Variants in AKAP9 observed in about 807,000 individuals in gnomAD.
The protein encoded by AKAP9 is A-kinase anchoring protein 9, also known as A-kinase anchor protein 9.
Under a neutral mutation model 488.5 loss-of-function variants are expected in AKAP9, and 311 were observed. That is an observed-to-expected ratio of 0.64 (90% CI 0.58 to 0.70). The LOEUF (loss-of-function observed/expected upper bound fraction) is 0.70. Among genes scored for constraint, AKAP9 ranks in the 30% least tolerant of loss-of-function variants. AKAP9 has a pLI of 0.00. For missense variants in AKAP9, 4,215 were observed against 4,374.5 expected, an observed-to-expected ratio of 0.96 and a Z score of 1.03; for synonymous variants, 1,462 against 1,483.5, an observed-to-expected ratio of 0.99 and a Z score of 0.33.
chr7:91,965,680 C>G (rs944005045), intron 1 of AKAP9, among the ~76,000 whole-genome samples: 3 of 152,200 alleles, frequency 2.0e-5, no homozygotes, highest in Non-Finnish European at 4.4e-5. Context: ...TCTCCACATC[C>G]TCCCCAGCAT....
intron 2 of AKAP9, among the ~76,000 whole-genome samples, chr7:91,974,319 G>C (rs76146797): frequency 6.2e-4 from 84 of 135,374 alleles, no homozygotes; most frequent in Non-Finnish European, 1.1e-3. Context: ...ATGAGAGATA[G>C]ATGTCCAACT....
intron 22 of AKAP9, chr7:92,058,330 T>C: frequency 1.7e-6 from 1 of 576,986 alleles, no homozygotes; most frequent in South Asian, 1.4e-5. Flanking sequence ...TTGTTAATAC[T>C]TCTATTTTCC....
At position 92,095,113 on chromosome 7, in the gene AKAP9, T is replaced by C. The variant is rs139192857; in HGVS notation, c.9669T>C (p.Ala3223=). The C allele has an allele frequency of 1.7e-5, 28 of 1,614,182 alleles. 1 individual carries two copies. The African/African-American group carries it at 3.5e-4, about 20-fold the overall frequency. ...EQKKSRELQW[A]LEKEKAKLGR... ...AAAAATCAAGAGAGCTCCAGTGGGC[T>C]TTGGAGAAAGAGAAAGCCAAGTTGG... The change falls in exon 40 of 50, where the codon GCT becomes GCC. Residue 3223 remains alanine (A), a synonymous_variant. Coordinates refer to ENST00000356239, the MANE Select transcript of AKAP9 (RefSeq NM_005751.5).
intron 1 of AKAP9, among the ~76,000 whole-genome samples, chr7:91,951,019 A>G (rs911310142): frequency 6.6e-5 from 10 of 152,104 alleles, no homozygotes; most frequent in African/African-American, 1.9e-4. Flanking sequence ...TGACTCAACA[A>G]GAGAACTCTC....
intron 39 of AKAP9, among the ~76,000 whole-genome samples, chr7:92,093,591 A>G (rs1355421780): frequency 6.6e-6 from 1 of 152,158 alleles, no homozygotes; most frequent in East Asian, 1.9e-4. Flanking sequence ...CCATCAACCA[A>G]TTTGAAGTGA....
intron 38 of AKAP9, chr7:92,092,022 G>A (rs1233524296): frequency 6.6e-6 from 1 of 152,114 alleles, no homozygotes; most frequent in East Asian, 1.9e-4. Context: ...ATACAGAAAA[G>A]AATAGAGTGA....
At chr7:92,028,523 A>C (rs1262520225) in intron 14 of AKAP9, among the ~76,000 whole-genome samples, 2 of 152,122 alleles carry the variant, frequency 1.3e-5, no homozygotes, top group African/African-American at 4.8e-5. Flanking sequence ...GCAGAGAAGA[A>C]AGACAAGGGA....
rs1007483938 is a variant in AKAP9, at chr7:91,950,510, G to A, written c.48+9363G>A. 9.2e-5 allele frequency among the ~76,000 whole-genome samples: 14 copies of A among 152,178 alleles called. No individual in the cohort carries two copies. The South Asian group carries it at 1.7e-3, about 18-fold the overall frequency. ...CTCCCAAAGTGCTGGGATTACAGGCGTGAGCCACAACGTCCAGGCTAGGGT... is the reference window on the plus strand; with the variant it reads ...CTCCCAAAGTGCTGGGATTACAGGCATGAGCCACAACGTCCAGGCTAGGGT... On this transcript the variant is annotated intron_variant, in intron 1 of 49. Transcript: ENST00000356239.
At chr7:92,093,379 CTG>C in intron 39 of AKAP9, 63 bp downstream of exon 39, 2 of 1,398,306 alleles carry the variant, frequency 1.4e-6, no homozygotes, top group Non-Finnish European at 2.0e-6. Flanking sequence ...GTCATAAACA[CTG>C]TGCAAATATA....
In AKAP9 at chr7:92,037,010, A is replaced by T. The variant is rs115180076; in HGVS notation, c.4339-1409A>T. On this transcript the variant is annotated intron_variant, in intron 16 of 49. Coordinates refer to ENST00000356239, the MANE Select transcript of AKAP9 (RefSeq NM_005751.5). ...GAAACAGAATGGCATATAATGTTTA[A>T]GGTGCTTGAGCTCTGTATAGACACA... Among the ~76,000 whole-genome samples, 1,478 of 152,248 alleles carry T rather than the reference A, an allele frequency of 9.7e-3. 33 individuals carry two copies. The highest frequency in any genetic ancestry group is 0.034 in the African/African-American group (1,409 of 41,532).
intron 40 of AKAP9, 53 bp downstream of exon 40, chr7:92,095,226 G>T (rs1438661788): frequency 1.2e-6 from 2 of 1,600,278 alleles, no homozygotes; most frequent in African/African-American, 2.7e-5. Context: ...GATAGAAGAG[G>T]GTCTTAAGGC....
At chr7:92,046,130 G>A (rs530471875) in intron 21 of AKAP9, among the ~76,000 whole-genome samples, 4 of 151,958 alleles carry the variant, frequency 2.6e-5, no homozygotes, top group South Asian at 2.1e-4. Flanking sequence ...CACCATGCCC[G>A]GCCTCTTCTT....
chr7:92,084,538 C>A, intron 33 of AKAP9, 102 bp from the exon 34 acceptor site: 2 of 792,132 alleles, frequency 2.5e-6, no homozygotes, highest in Non-Finnish European at 4.1e-6. Context: ...AAAGGTGTGA[C>A]AGATTTGATT....
intron 7 of AKAP9, among the ~76,000 whole-genome samples, chr7:92,000,353 G>A (rs1365152303): frequency 6.6e-6 from 1 of 152,200 alleles, no homozygotes; most frequent in African/African-American, 2.4e-5. Flanking sequence ...ACCGTTAGGA[G>A]TCTGTTTTTG....
intron 22 of AKAP9, among the ~76,000 whole-genome samples, chr7:92,059,401 A>G (rs996777788): frequency 6.7e-6 from 1 of 149,214 alleles, no homozygotes; most frequent in African/African-American, 2.5e-5. Context: ...AATAAATGAC[A>G]TTTTTTTTTG....
chr7:92,086,521 C>A (rs534226703), intron 37 of AKAP9, 105 bp downstream of exon 37: 2 of 874,512 alleles, frequency 2.3e-6, no homozygotes, highest in Admixed American at 4.4e-5. Flanking sequence ...TAATAGGAGC[C>A]ACTATGAATA....
intron 40 of AKAP9, among the ~76,000 whole-genome samples, chr7:92,096,473 T>C (rs1816600657): frequency 6.6e-6 from 1 of 151,992 alleles, no homozygotes; most frequent in Non-Finnish European, 1.5e-5. Flanking sequence ...TAGCTGGGAC[T>C]ACAGGCACGT....
Position 92,100,076 on chromosome 7 carries a change from C to T in AKAP9, c.10896+207C>T, listed in dbSNP as rs1238220486. On this transcript the variant is annotated intron_variant, in intron 44 of 49. Coordinates refer to ENST00000356239, the MANE Select transcript of AKAP9 (RefSeq NM_005751.5). ...ATTTATTGGAAACCATCTCTGTACTCGACTCTGGGTTGTATACATACAGAA... is the reference window on the plus strand; with the variant it reads ...ATTTATTGGAAACCATCTCTGTACTTGACTCTGGGTTGTATACATACAGAA... 3 of 496,636 alleles carry T rather than the reference C, an allele frequency of 6.0e-6. No homozygotes were observed. The Admixed American group carries it at 9.2e-5, about 15-fold the overall frequency. The allele number at this position is 496,636 out of a possible 1,614,324, so 30.8% of individuals were successfully genotyped here. A position where few individuals can be genotyped will look rare whatever the true frequency, so the allele number is the denominator to read the frequency against.
intron 38 of AKAP9, chr7:92,092,461 G>A (rs1457964548): frequency 1.3e-5 from 2 of 151,786 alleles, no homozygotes; most frequent in African/African-American, 2.4e-5. Context: ...ATTTTTTAAT[G>A]TACATTCTTG....
Sources: gnomAD v4.1 joint callset for allele counts (sites outside exome capture counted in the v4.1 genomes callset) on GRCh38, gnomAD v4.1.1 for gene constraint, MANE v1.5 for transcripts, NCBI Gene and HGNC (gene_info 2026-07-23, HGNC 2026-07-21) for gene names.